Variants in TAFA5 observed in about 807,000 individuals in gnomAD.
TAFA5 encodes TAFA chemokine like family member 5.
In TAFA5, 6 loss-of-function variants were observed where a neutral mutation model predicts 15.3. The observed-to-expected ratio is 0.39, with a 90% CI of 0.21 to 0.77. The LOEUF is 0.77. Ranked by LOEUF, TAFA5 falls within the 30% of genes least tolerant of loss-of-function variation. The pLI is 0.41. For synonymous variants in TAFA5, 103 were observed against 80.7 expected (o/e 1.28, Z -1.48); for missense variants, 161 against 193.1 (o/e 0.83, Z 0.98).
intron 2 of TAFA5, among the ~76,000 whole-genome samples, chr22:48,681,798 G>A (rs899599862): frequency 2.0e-5 from 3 of 151,904 alleles, no homozygotes; most frequent in African/African-American, 4.8e-5. Context: ...CACACACTCC[G>A]GATCCTGGGG....
intron 3 of TAFA5, among the ~76,000 whole-genome samples, chr22:48,728,624 A>T (rs1296431412): frequency 6.6e-6 from 1 of 152,190 alleles, no homozygotes; most frequent in Non-Finnish European, 1.5e-5. Flanking sequence ...AACACACGGT[A>T]TTTTTGCAGA....
chr22:48,500,154 G>A (rs1920944346), intron 1 of TAFA5, among the ~76,000 whole-genome samples: 1 of 152,106 alleles, frequency 6.6e-6, no homozygotes, highest in South Asian at 2.1e-4. Flanking sequence ...CTCAATTTTA[G>A]GATGATAAAA....
intron 2 of TAFA5, among the ~76,000 whole-genome samples, chr22:48,697,140 A>G (rs1400696602): frequency 6.6e-6 from 1 of 152,206 alleles, no homozygotes; most frequent in Admixed American, 6.5e-5. Context: ...TGGAAAGAAG[A>G]CAGGCCACTG....
intron 1 of TAFA5, among the ~76,000 whole-genome samples, chr22:48,622,010 C>T (rs1016417547): frequency 2.6e-5 from 4 of 152,092 alleles, no homozygotes; most frequent in African/African-American, 9.7e-5. Context: ...TGTCAGAAGC[C>T]AGGGCCCAGG....
intron 1 of TAFA5, among the ~76,000 whole-genome samples, chr22:48,524,000 G>A (rs1365637139): frequency 6.6e-6 from 1 of 152,224 alleles, no homozygotes; most frequent in East Asian, 1.9e-4. Context: ...CCTGCCCCGG[G>A]GCCGGGCTGG....
chr22:48,653,327 G>A (rs1233818314), intron 2 of TAFA5, among the ~76,000 whole-genome samples: 1 of 152,188 alleles, frequency 6.6e-6, no homozygotes, highest in African/African-American at 2.4e-5. Context: ...GGTGGGAAGA[G>A]ACCCTGCCCC....
intron 1 of TAFA5, among the ~76,000 whole-genome samples, chr22:48,623,142 C>T (rs1925899294): frequency 6.6e-6 from 1 of 152,244 alleles, no homozygotes; most frequent in Admixed American, 6.5e-5. Context: ...CACCTTCGAC[C>T]TTGCAGGATG....
intron 1 of TAFA5, among the ~76,000 whole-genome samples, chr22:48,607,543 G>T (rs1601611795): frequency 7.4e-6 from 1 of 134,338 alleles, no homozygotes; most frequent in South Asian, 2.3e-4. Flanking sequence ...TCTGTCCTGG[G>T]TTCTGATTAG....
At chr22:48,707,867 G>T in intron 3 of TAFA5, 23 bp downstream of exon 3, 1 of 1,607,830 alleles carries the variant, frequency 6.2e-7, no homozygotes, top group Non-Finnish European at 8.5e-7. Context: ...CGGCTTTCTC[G>T]TGGGTGTGCT....
In TAFA5 at chr22:48,749,947, C is replaced by G; in HGVS notation, c.*100C>G. The G allele has an allele frequency of 8.6e-7, 1 of 1,160,286 alleles. No homozygotes were observed. The highest frequency in any genetic ancestry group is 1.3e-5 in the South Asian group (1 of 75,950). The allele number at this position is 1,160,286 out of a possible 1,614,324, so 71.9% of individuals were successfully genotyped here. On this transcript the variant is annotated 3_prime_UTR_variant, in exon 4 of 4. Transcript: ENST00000402357. ...ACTCGCCTCGGACTTCACCCGTTCT[C>G]TGCCGCCCGCCCACTCCGTTTCCCT...
chr22:48,584,472 T>C (rs1924250142), intron 1 of TAFA5, among the ~76,000 whole-genome samples: 3 of 131,904 alleles, frequency 2.3e-5, no homozygotes. Context: ...ACACAAAATA[T>C]ACTACACATT....
chr22:48,739,300 C>G (rs1314929816), intron 3 of TAFA5, among the ~76,000 whole-genome samples: 1 of 152,102 alleles, frequency 6.6e-6, no homozygotes, highest in Non-Finnish European at 1.5e-5. Flanking sequence ...GACTATTTAA[C>G]CAACCAAGAA....
chr22:48,604,783 G>T (rs1053954175), intron 1 of TAFA5, among the ~76,000 whole-genome samples: 20 of 152,174 alleles, frequency 1.3e-4, no homozygotes, highest in Non-Finnish European at 4.4e-5. Flanking sequence ...GGGGCCCAGG[G>T]CAGGCTGGGG....
intron 2 of TAFA5, among the ~76,000 whole-genome samples, chr22:48,698,286 G>A (rs550588330): frequency 1.3e-5 from 2 of 152,102 alleles, no homozygotes; most frequent in East Asian, 1.9e-4. Flanking sequence ...GACCAGCCTG[G>A]CCAACATGGT....
intron 2 of TAFA5, among the ~76,000 whole-genome samples, chr22:48,677,192 C>A (rs956547888): frequency 6.6e-6 from 1 of 152,250 alleles, no homozygotes; most frequent in Non-Finnish European, 1.5e-5. Context: ...GAGTGCCCGT[C>A]GGGGATGCTG....
At chr22:48,715,773 C>G (rs950866600) in intron 3 of TAFA5, among the ~76,000 whole-genome samples, 7 of 152,340 alleles carry the variant, frequency 4.6e-5, no homozygotes, top group African/African-American at 1.7e-4. Context: ...CTGCCCCAGC[C>G]ACAGATGTCA....
chr22:48,656,197 C>A (rs1927238553), intron 2 of TAFA5, among the ~76,000 whole-genome samples: 1 of 152,206 alleles, frequency 6.6e-6, no homozygotes, highest in South Asian at 2.1e-4. Context: ...TAGAACCACC[C>A]TTGTGGTATA....
chr22:48,729,349 T>A (rs1227657902), intron 3 of TAFA5, among the ~76,000 whole-genome samples: 1 of 14,242 alleles, frequency 7.0e-5, no homozygotes, highest in East Asian at 0.016. Flanking sequence ...ATATATATTT[T>A]TATATTAGTA....
intron 3 of TAFA5, among the ~76,000 whole-genome samples, chr22:48,709,013 C>T (rs1245289060): frequency 6.6e-6 from 1 of 152,180 alleles, no homozygotes. Flanking sequence ...TTCTGAGAGT[C>T]GCACGGCTTT....
Sources: gnomAD v4.1 joint callset for allele counts (sites outside exome capture counted in the v4.1 genomes callset) on GRCh38, gnomAD v4.1.1 for gene constraint, MANE v1.5 for transcripts, NCBI Gene and HGNC (gene_info 2026-07-23, HGNC 2026-07-21) for gene names.